Variants in AIMP1 observed in about 807,000 individuals in gnomAD.
AIMP1 encodes aminoacyl tRNA synthetase complex interacting multifunctional protein 1, also known as aminoacyl tRNA synthase complex-interacting multifunctional protein 1.
A neutral mutation model predicts 33.1 loss-of-function variants in AIMP1; 24 were observed. The observed-to-expected ratio is 0.73, with a 90% CI of 0.53 to 1.02. AIMP1 has a LOEUF of 1.02. Among genes scored for constraint, AIMP1 ranks in the 50% least tolerant of loss-of-function variants. The probability of loss-of-function intolerance (pLI) is 0.00; values close to 1 mark genes in which losing one functional copy is unlikely to be tolerated. For missense variants in AIMP1, 367 were observed against 364.8 expected, an observed-to-expected ratio of 1.01 and a Z score of -0.05; for synonymous variants, 120 against 121.5, an observed-to-expected ratio of 0.99 and a Z score of 0.08.
At chr4:106,333,563 G>A (rs1769757618) in intron 5 of AIMP1, among the ~76,000 whole-genome samples, 2 of 152,188 alleles carry the variant, frequency 1.3e-5, no homozygotes, top group South Asian at 4.1e-4. Flanking sequence ...TTGATAGGAG[G>A]TTAGAGTATC....
intron 5 of AIMP1, among the ~76,000 whole-genome samples, chr4:106,334,481 T>C (rs1357350482): frequency 6.6e-6 from 1 of 152,028 alleles, no homozygotes; most frequent in Non-Finnish European, 1.5e-5. Context: ...GCCAGGCTGG[T>C]CTCAAACTCC....
chr4:106,320,980 G>A (rs983027779), intron 1 of AIMP1, among the ~76,000 whole-genome samples: 5 of 152,156 alleles, frequency 3.3e-5, no homozygotes, highest in East Asian at 3.9e-4. Flanking sequence ...GCTCCTGACC[G>A]CGAGTGATCT....
At chr4:106,342,770 T>A (rs1000862103) in intron 6 of AIMP1, among the ~76,000 whole-genome samples, 1 of 152,164 alleles carries the variant, frequency 6.6e-6, no homozygotes, top group Non-Finnish European at 1.5e-5. Flanking sequence ...TCTGACAGTT[T>A]TTGGTGTCAG....
chr4:106,342,905 C>CTTTT (rs34629602), intron 6 of AIMP1, among the ~76,000 whole-genome samples: 1 of 128,344 alleles, frequency 7.8e-6, no homozygotes, highest in African/African-American at 2.9e-5. Context: ...CGATCCAGGG[C>CTTTT]TTTTTTTTTT....
intron 6 of AIMP1, among the ~76,000 whole-genome samples, chr4:106,339,956 G>A (rs1770032793): frequency 6.6e-6 from 1 of 152,160 alleles, no homozygotes; most frequent in African/African-American, 2.4e-5. Flanking sequence ...TCCTGAGACA[G>A]ATGAAGCTTC....
At chr4:106,319,504 G>A (rs1023118703) in intron 1 of AIMP1, among the ~76,000 whole-genome samples, 10 of 152,120 alleles carry the variant, frequency 6.6e-5, no homozygotes, top group Non-Finnish European at 1.3e-4. Flanking sequence ...CAAAATTAAT[G>A]TGAAGGGACA....
chr4:106,315,837 G>T, upstream of AIMP1: 1 of 152,632 alleles, frequency 6.6e-6, no homozygotes, highest in Non-Finnish European at 1.5e-5. Flanking sequence ...CTATTCTGAA[G>T]ACATGCGGGG....
At chr4:106,320,094 C>T in intron 1 of AIMP1, among the ~76,000 whole-genome samples, 1 of 152,252 alleles carries the variant, frequency 6.6e-6, no homozygotes, top group Middle Eastern at 3.4e-3. Context: ...TTGTTATTAT[C>T]ATCTATGAGA....
In AIMP1 at chr4:106,340,282, GT is replaced by G. The variant is rs11437627; in HGVS notation, c.772+3256del. Reference sequence around the variant, plus strand: ...ATAAAATTAAACTAAGGTTTTTTGGGTTTTTTTTTTTCCAACTTGTATTTTA... The same window carrying G: ...ATAAAATTAAACTAAGGTTTTTTGGGTTTTTTTTTTCCAACTTGTATTTTA... On this transcript the variant is annotated intron_variant, in intron 6 of 6. Transcript: ENST00000672341. 4.0e-4 allele frequency among the ~76,000 whole-genome samples: 59 copies of G among 147,440 alleles called. No homozygotes were observed. In the East Asian group the frequency reaches 5.2e-3, roughly 13 times the overall value.
At chr4:106,331,263 C>T (rs1033078239) in intron 4 of AIMP1, among the ~76,000 whole-genome samples, 1 of 152,106 alleles carries the variant, frequency 6.6e-6, no homozygotes, top group African/African-American at 2.4e-5. Context: ...TATCCTGTTT[C>T]GGGGAAAGGC....
chr4:106,317,023 C>CT (rs1340371361), intron 1 of AIMP1, among the ~76,000 whole-genome samples: 1 of 152,164 alleles, frequency 6.6e-6, no homozygotes, highest in East Asian at 1.9e-4. Context: ...TCTGTGTCTA[C>CT]TTGTAGCTCA....
At chr4:106,339,540 A>T (rs1399597318) in intron 6 of AIMP1, among the ~76,000 whole-genome samples, 1 of 152,264 alleles carries the variant, frequency 6.6e-6, no homozygotes, top group Non-Finnish European at 1.5e-5. Flanking sequence ...CTCCACTGCC[A>T]TGTGGAACTG....
intron 6 of AIMP1, 108 bp downstream of exon 6, chr4:106,337,145 C>A (rs551969748): frequency 1.0e-5 from 10 of 977,472 alleles, no homozygotes; most frequent in Non-Finnish European, 1.6e-5. Context: ...ATGAGTCTTA[C>A]ATTAATGACC....
chr4:106,319,191 A>G (rs1769100351), intron 1 of AIMP1, among the ~76,000 whole-genome samples: 2 of 152,186 alleles, frequency 1.3e-5, no homozygotes, highest in Admixed American at 1.3e-4. Flanking sequence ...TTTGATTTCA[A>G]AGTAGTAACT....
In AIMP1 at chr4:106,347,679, G is replaced by A; in HGVS notation, c.926G>A (p.Ser309Asn). 1 of 1,613,014 alleles carries A rather than the reference G, an allele frequency of 6.2e-7. No homozygotes were observed. Among genetic ancestry groups the A allele is most frequent in the African/African-American group, 1.3e-5 (1 of 74,958 alleles). Residue 309 changes from serine (S) to asparagine (N), a missense_variant, in exon 7 of 7, where the codon AGT (serine) becomes AAT (asparagine). Physicochemically the swap from Ser to Asn is conservative, Grantham distance 46. Transcript: ENST00000672341. ...TGTAGGGCTCAAACCATGAGCAACA[G>A]TGGAATCAAATAAAATGCTTCCACT... ...GVCRAQTMSN[S>N]GIK
chr4:106,339,481 T>C (rs369854380), intron 6 of AIMP1, among the ~76,000 whole-genome samples: 12 of 152,032 alleles, frequency 7.9e-5, no homozygotes, highest in African/African-American at 2.7e-4. Context: ...CTCTCTTGCC[T>C]GCTGCCATGT....
Position 106,347,532 on chromosome 4 carries a change from C to T in AIMP1, c.779C>T (p.Pro260Leu). The T allele has an allele frequency of 3.1e-6, 5 of 1,612,582 alleles. No homozygotes were observed. The South Asian group carries it at 5.5e-5, about 18-fold the overall frequency. Residue 260 changes from proline (P) to leucine (L), a missense_variant, in exon 7 of 7, where the codon CCT becomes CTT. Physicochemically the swap from Pro to Leu is moderately conservative, Grantham distance 98 (BLOSUM62 -3). Transcript: ENST00000672341. ...RITFDAFPGEPDKELNPKKKI... is the reference protein window; with the variant it reads ...RITFDAFPGELDKELNPKKKI... ...CTTTTTTTCTCCTACACAGGAGAGC[C>T]TGACAAGGAGCTGAATCCTAAGAAG...
intron 4 of AIMP1, among the ~76,000 whole-genome samples, chr4:106,329,308 C>T (rs1769578354): frequency 6.6e-6 from 1 of 152,166 alleles, no homozygotes; most frequent in Non-Finnish European, 1.5e-5. Context: ...CCTGTTCTTG[C>T]AAATTTGGTG....
At position 106,347,683 on chromosome 4, in the gene AIMP1, A is replaced by G. The variant is rs770851715; in HGVS notation, c.930A>G (p.Gly310=). 10 of 1,612,778 alleles carry G rather than the reference A, an allele frequency of 6.2e-6. No homozygotes were observed. The South Asian group carries it at 1.1e-4, about 18-fold the overall frequency. ...VCRAQTMSNS[G]IK Reference sequence around the variant, plus strand: ...GGGCTCAAACCATGAGCAACAGTGGAATCAAATAAAATGCTTCCACTACCA... The same window carrying G: ...GGGCTCAAACCATGAGCAACAGTGGGATCAAATAAAATGCTTCCACTACCA... The change falls in exon 7 of 7, where the codon GGA becomes GGG. Residue 310 remains glycine (G), a synonymous_variant. Transcript: ENST00000672341.
Sources: gnomAD v4.1 joint callset for allele counts (sites outside exome capture counted in the v4.1 genomes callset) on GRCh38, gnomAD v4.1.1 for gene constraint, MANE v1.5 for transcripts, NCBI Gene and HGNC (gene_info 2026-07-23, HGNC 2026-07-21) for gene names.